The following ZEB1 variants were observed in gnomAD, a reference collection of about 807,000 sequenced individuals.
ZEB1 encodes the protein zinc finger E-box binding homeobox 1.
A neutral mutation model predicts 84.9 loss-of-function variants in ZEB1; 21 were observed. The ratio of observed to expected loss-of-function variants is 0.25; its 90% CI spans 0.18 to 0.36. The LOEUF is 0.36. ZEB1 is among the 10% of genes least tolerant of loss of function. The pLI is 1.00. For missense variants in ZEB1, 1,104 were observed against 1,330.2 expected (o/e 0.83, Z 2.65); for synonymous variants, 420 against 471.1 (o/e 0.89, Z 1.41).
At chr10:31,411,647 A>AG (rs2135795596) in intron 1 of ZEB1, among the ~76,000 whole-genome samples, 1 of 151,126 alleles carries the variant, frequency 6.6e-6, no homozygotes, top group East Asian at 2.0e-4. Flanking sequence ...TCAAAAAAAA[A>AG]AAAAAAAAAG....
intron 2 of ZEB1, among the ~76,000 whole-genome samples, chr10:31,490,068 C>A (rs1340520191): frequency 6.6e-6 from 1 of 151,236 alleles, no homozygotes. Flanking sequence ...GTCCATTGAT[C>A]CCCTATAATT....
chr10:31,499,054 TA>T (rs2067716134), intron 3 of ZEB1, among the ~76,000 whole-genome samples: 1 of 152,164 alleles, frequency 6.6e-6, no homozygotes, highest in African/African-American at 2.4e-5. Context: ...TGTCAAAAGT[TA>T]TTTGTCAATG....
chr10:31,403,856 G>A (rs945512789), intron 1 of ZEB1, among the ~76,000 whole-genome samples: 1 of 151,896 alleles, frequency 6.6e-6, no homozygotes, highest in Admixed American at 6.6e-5. Context: ...CATTGATAAT[G>A]CTAATTATAT....
chr10:31,356,628 T>C (rs1564567345), intron 1 of ZEB1, among the ~76,000 whole-genome samples: 1 of 152,194 alleles, frequency 6.6e-6, no homozygotes, highest in Non-Finnish European at 1.5e-5. Context: ...CTTCACAGAA[T>C]TCCTTATGAA....
chr10:31,516,672 CAG>C (rs2071224253), intron 6 of ZEB1, among the ~76,000 whole-genome samples: 2 of 144,940 alleles, frequency 1.4e-5, no homozygotes, highest in South Asian at 4.4e-4. Context: ...AAGAACAAAA[CAG>C]AAGTTATATA....
At chr10:31,397,447 A>G (rs2051020459) in intron 1 of ZEB1, among the ~76,000 whole-genome samples, 1 of 151,920 alleles carries the variant, frequency 6.6e-6, no homozygotes, top group African/African-American at 2.4e-5. Context: ...TAGATACAGA[A>G]TGTTTCTGAA....
chr10:31,325,153 A>G (rs2035183412), intron 1 of ZEB1, among the ~76,000 whole-genome samples: 2 of 152,110 alleles, frequency 1.3e-5, no homozygotes, highest in Non-Finnish European at 1.5e-5. Flanking sequence ...GTACTTAAGT[A>G]GCAAAATGCT....
chr10:31,385,215 C>T (rs769833120), intron 1 of ZEB1, among the ~76,000 whole-genome samples: 1 of 152,152 alleles, frequency 6.6e-6, no homozygotes, highest in Non-Finnish European at 1.5e-5. Context: ...GAAGGGTGGA[C>T]ATACATCCCA....
intron 1 of ZEB1, among the ~76,000 whole-genome samples, chr10:31,345,296 G>A (rs1011631582): frequency 6.6e-6 from 1 of 152,052 alleles, no homozygotes; most frequent in Non-Finnish European, 1.5e-5. Context: ...AAATAGATTG[G>A]CAGGGGCGGG....
chr10:31,333,389 A>C (rs796164470), intron 1 of ZEB1, among the ~76,000 whole-genome samples: 1 of 152,166 alleles, frequency 6.6e-6, no homozygotes, highest in East Asian at 1.9e-4. Flanking sequence ...TTGTAGATGG[A>C]TGGTCTGAAA....
At chr10:31,360,909 G>T in intron 1 of ZEB1, 6 of 1,468,024 alleles carry the variant, frequency 4.1e-6, no homozygotes, top group Non-Finnish European at 5.7e-6. Flanking sequence ...AAACAGTACT[G>T]CATGGATGCT....
At chr10:31,459,196 G>C (rs559848667) in intron 1 of ZEB1, among the ~76,000 whole-genome samples, 1 of 152,092 alleles carries the variant, frequency 6.6e-6, no homozygotes, top group Admixed American at 6.6e-5. Context: ...GCCATAATTA[G>C]TCAGGGACTG....
chr10:31,462,410 A>C (rs1240466387), intron 2 of ZEB1, among the ~76,000 whole-genome samples: 1 of 152,212 alleles, frequency 6.6e-6, no homozygotes, highest in Non-Finnish European at 1.5e-5. Flanking sequence ...AGAGAGATAA[A>C]TAAGTCACAA....
chr10:31,451,170 A>G (rs1373380799), intron 1 of ZEB1, among the ~76,000 whole-genome samples: 1 of 152,176 alleles, frequency 6.6e-6, no homozygotes, highest in Non-Finnish European at 1.5e-5. Context: ...TACAGTGATA[A>G]TTATTTACAT....
chr10:31,514,920 C>G (rs2070788208), intron 6 of ZEB1, among the ~76,000 whole-genome samples: 1 of 151,942 alleles, frequency 6.6e-6, no homozygotes. Flanking sequence ...TGACATACTC[C>G]AGATTTCCTA....
At chr10:31,382,946 T>G (rs1250190031) in intron 1 of ZEB1, among the ~76,000 whole-genome samples, 1 of 152,014 alleles carries the variant, frequency 6.6e-6, no homozygotes, top group Non-Finnish European at 1.5e-5. Context: ...GGACATAAAT[T>G]TTTAAAAAGA....
At chr10:31,441,400 A>G (rs899471744) in intron 1 of ZEB1, among the ~76,000 whole-genome samples, 1 of 152,230 alleles carries the variant, frequency 6.6e-6, no homozygotes, top group African/African-American at 2.4e-5. Flanking sequence ...TGATACAAAA[A>G]TTAATTCAAG....
chr10:31,421,017 C>CT (rs892790016), intron 1 of ZEB1, among the ~76,000 whole-genome samples: 1 of 152,108 alleles, frequency 6.6e-6, no homozygotes. Flanking sequence ...AGAGCAGGCA[C>CT]TTTTTTCTCC....
At chr10:31,523,765 C>T (rs1164709377) in intron 7 of ZEB1, among the ~76,000 whole-genome samples, 168 bp from the exon 8 acceptor site, 2 of 152,154 alleles carry the variant, frequency 1.3e-5, no homozygotes, top group Non-Finnish European at 2.9e-5. Flanking sequence ...GTGATCTGGC[C>T]CCACCCTTGG....
Sources: allele counts gnomAD v4.1 joint callset (sites outside exome capture counted in the v4.1 genomes callset), GRCh38; gene constraint gnomAD v4.1.1; transcripts MANE v1.5; gene names NCBI Gene and HGNC (gene_info 2026-07-23, HGNC 2026-07-21).